Variants in DCDC1 observed in about 807,000 individuals in gnomAD.
DCDC1 encodes doublecortin domain containing 1.
A neutral mutation model predicts 178.3 loss-of-function variants in DCDC1; 200 were observed. The ratio of observed to expected loss-of-function variants is 1.12; its 90% CI spans 1.00 to 1.26. The LOEUF (loss-of-function observed/expected upper bound fraction) is 1.26, where lower values mean the gene tolerates loss of function less well. DCDC1 is among the 50% of genes most tolerant of loss of function. The pLI, the probability that DCDC1 is intolerant of heterozygous loss-of-function variation, is 0.00. For synonymous variants in DCDC1, 690 were observed against 604.8 expected (o/e 1.14, Z -2.07); for missense variants, 1,983 against 1,749.2 (o/e 1.13, Z -2.38).
intron 20 of DCDC1, among the ~76,000 whole-genome samples, chr11:30,993,114 T>C (rs760052335): frequency 6.6e-6 from 1 of 152,100 alleles, no homozygotes; most frequent in Non-Finnish European, 1.5e-5. Flanking sequence ...TTCTAGCATA[T>C]AGCAAATGTT....
At chr11:31,200,668 C>T (rs2136429192) in intron 9 of DCDC1, among the ~76,000 whole-genome samples, 1 of 151,890 alleles carries the variant, frequency 6.6e-6, no homozygotes, top group East Asian at 1.9e-4. Context: ...GAACAAATTT[C>T]TGTTAATTTT....
intron 7 of DCDC1, among the ~76,000 whole-genome samples, chr11:31,282,394 T>C (rs890624399): frequency 2.0e-5 from 3 of 151,404 alleles, no homozygotes; most frequent in Admixed American, 1.3e-4. Flanking sequence ...AAAGATAATA[T>C]ATATAATGTC....
intron 20 of DCDC1, among the ~76,000 whole-genome samples, chr11:30,956,801 C>G (rs2134531364): frequency 6.6e-6 from 1 of 152,176 alleles, no homozygotes; most frequent in African/African-American, 2.4e-5. Flanking sequence ...GACAACTACT[C>G]TTTTAAATTT....
intron 8 of DCDC1, among the ~76,000 whole-genome samples, chr11:31,250,385 T>TACACACACACACACACACACACAC (rs10640581): frequency 2.0e-4 from 19 of 92,766 alleles, no homozygotes; most frequent in East Asian, 8.0e-4. Context: ...AGTGAATGAA[T>TACACACACACACACACACACACAC]ACACACACAC....
At chr11:30,912,558 C>T (rs895130061) in intron 27 of DCDC1, among the ~76,000 whole-genome samples, 1 of 152,172 alleles carries the variant, frequency 6.6e-6, no homozygotes, top group African/African-American at 2.4e-5. Context: ...GCTGGGATTA[C>T]AGGCATGAGC....
chr11:30,931,451 T>G (rs1565090603), intron 22 of DCDC1, among the ~76,000 whole-genome samples: 2 of 152,108 alleles, frequency 1.3e-5, no homozygotes, highest in Non-Finnish European at 2.9e-5. Context: ...GTTCAATTAT[T>G]TCAAGACACA....
chr11:31,014,001 G>A (rs910175987), intron 20 of DCDC1, among the ~76,000 whole-genome samples: 1 of 152,150 alleles, frequency 6.6e-6, no homozygotes, highest in Non-Finnish European at 1.5e-5. Context: ...TTCCAACCTT[G>A]TCTAGTTCCC....
chr11:31,243,974 T>C (rs1341221404), intron 8 of DCDC1, among the ~76,000 whole-genome samples: 1 of 151,690 alleles, frequency 6.6e-6, no homozygotes, highest in African/African-American at 2.4e-5. Flanking sequence ...TTTTAGAAGC[T>C]GCAAACTAGT....
chr11:30,868,558 G>A (rs1341466445), intron 38 of DCDC1, among the ~76,000 whole-genome samples: 1 of 152,006 alleles, frequency 6.6e-6, no homozygotes, highest in Admixed American at 6.6e-5. Flanking sequence ...GCCCATACCT[G>A]CTCTATAGAG....
intron 3 of DCDC1, among the ~76,000 whole-genome samples, chr11:31,324,052 G>A (rs1361663757): frequency 6.6e-6 from 1 of 152,020 alleles, no homozygotes. Context: ...GTGTATAAGG[G>A]TTTTTCCAAC....
intron 11 of DCDC1, among the ~76,000 whole-genome samples, chr11:31,111,386 A>G (rs1257269014): frequency 1.3e-5 from 2 of 152,138 alleles, no homozygotes; most frequent in African/African-American, 4.8e-5. Flanking sequence ...ATGTGTTTCA[A>G]TAACACTTCC....
intron 10 of DCDC1, among the ~76,000 whole-genome samples, chr11:31,135,639 T>C (rs558820158): frequency 6.6e-6 from 1 of 152,282 alleles, no homozygotes; most frequent in South Asian, 2.1e-4. Flanking sequence ...CACACACATA[T>C]GAACATACAC....
intron 9 of DCDC1, among the ~76,000 whole-genome samples, chr11:31,138,381 A>G (rs1486147076): frequency 1.3e-5 from 2 of 152,226 alleles, no homozygotes; most frequent in Non-Finnish European, 2.9e-5. Flanking sequence ...GGCCCATTCT[A>G]TATTTCTTTA....
chr11:31,262,128 A>G (rs1434502208), intron 8 of DCDC1, among the ~76,000 whole-genome samples: 1 of 152,148 alleles, frequency 6.6e-6, no homozygotes, highest in East Asian at 1.9e-4. Flanking sequence ...AAAAGTAGGC[A>G]CAGTGGCCTG....
At position 30,900,343 on chromosome 11, in the gene DCDC1, T is replaced by C. The variant is rs1220456844; in HGVS notation, c.4663+3A>G. ...TGAAAGAAAGCAAAAACAAAAAAGT[T>C]ACCATTTGGAGGTAGAAATGGTTCA... On this transcript the variant is annotated splice_donor_region_variant and intron_variant, in intron 33 of 38. Coordinates refer to ENST00000684477, the MANE Select transcript of DCDC1 (RefSeq NM_001387274.1). The C allele has an allele frequency of 1.3e-6, 2 of 1,510,528 alleles. No individual in the cohort carries two copies. Among genetic ancestry groups the C allele is most frequent in the Non-Finnish European group, 1.8e-6 (2 of 1,130,352 alleles). 93.6% of individuals were successfully genotyped at this position (1,510,528 alleles called of 1,614,324 possible).
chr11:31,227,251 C>G (rs987409577), intron 9 of DCDC1, among the ~76,000 whole-genome samples: 3 of 152,134 alleles, frequency 2.0e-5, no homozygotes, highest in Non-Finnish European at 4.4e-5. Context: ...GCTCCAGCAT[C>G]TGCCTCTGGT....
At chr11:31,203,267 A>T (rs1325213291) in intron 9 of DCDC1, among the ~76,000 whole-genome samples, 1 of 152,242 alleles carries the variant, frequency 6.6e-6, no homozygotes, top group East Asian at 1.9e-4. Context: ...AAAAATAATA[A>T]AAAGGCAAAA....
At chr11:31,288,552 C>CT (rs1392927394) in intron 7 of DCDC1, among the ~76,000 whole-genome samples, 2 of 151,760 alleles carry the variant, frequency 1.3e-5, no homozygotes, top group Admixed American at 1.3e-4. Flanking sequence ...GACTTTTATG[C>CT]TTTAACTACC....
intron 17 of DCDC1, among the ~76,000 whole-genome samples, chr11:31,079,420 A>G (rs774903480): frequency 6.6e-6 from 1 of 152,154 alleles, no homozygotes; most frequent in Non-Finnish European, 1.5e-5. Context: ...AAACTGGTAA[A>G]CATAAGTAAA....
Sources: allele counts gnomAD v4.1 joint callset (sites outside exome capture counted in the v4.1 genomes callset), GRCh38; gene constraint gnomAD v4.1.1; transcripts MANE v1.5; gene names NCBI Gene and HGNC (gene_info 2026-07-23, HGNC 2026-07-21).